UGT8: variants seen among roughly 807,000 people sequenced by gnomAD.
The protein encoded by UGT8 is UDP glycosyltransferase 8.
In UGT8, 12 loss-of-function variants were observed where a neutral mutation model predicts 40.5. That is an observed-to-expected ratio of 0.30 (90% CI 0.19 to 0.48). UGT8 has a LOEUF of 0.48. UGT8 is among the 20% of genes least tolerant of loss of function. The pLI is 0.99. For missense variants in UGT8, 513 were observed against 648.7 expected (o/e 0.79, Z 2.27); for synonymous variants, 224 against 240.4 (o/e 0.93, Z 0.63).
chr4:114,662,952 G>A (rs1041756350), intron 2 of UGT8, among the ~76,000 whole-genome samples: 2 of 150,148 alleles, frequency 1.3e-5, no homozygotes, highest in African/African-American at 2.4e-5. Context: ...GAGTAGCTGG[G>A]ACTACAGGTG....
At chr4:114,630,639 ATT>A (rs1170965102) in intron 2 of UGT8, among the ~76,000 whole-genome samples, 2 of 144,960 alleles carry the variant, frequency 1.4e-5, no homozygotes, top group African/African-American at 2.5e-5. Flanking sequence ...CATCTTGGGG[ATT>A]TTTTTTTTTT....
chr4:114,652,317 G>A (rs1733935964), intron 2 of UGT8, among the ~76,000 whole-genome samples: 1 of 151,886 alleles, frequency 6.6e-6, no homozygotes, highest in Non-Finnish European at 1.5e-5. Context: ...TTGATCAAAG[G>A]AGGAAGTAAG....
rs771785083 is a variant in UGT8 at position 114,623,057 on chromosome 4, C to G, written c.177C>G (p.Gly59=). The change falls in exon 2 of 6, where the codon GGC becomes GGG. Residue 59 remains glycine (G), a synonymous_variant. Transcript: ENST00000310836. ...GHHTVFLLSE[G]RDIAPSNHYS... ...ATACAGTGTTCCTCCTCTCTGAAGG[C>G]AGAGACATCGCCCCATCTAATCATT... 6.2e-7 allele frequency: 1 copy of G among 1,613,998 alleles called. No individual in the cohort carries two copies. Among genetic ancestry groups the G allele is most frequent in the Non-Finnish European group, 8.5e-7 (1 of 1,180,024 alleles).
At chr4:114,625,936 T>C (rs1055873821) in intron 2 of UGT8, among the ~76,000 whole-genome samples, 1 of 152,146 alleles carries the variant, frequency 6.6e-6, no homozygotes, top group Non-Finnish European at 1.5e-5. Flanking sequence ...TTGAAATGCG[T>C]TTTTTGTTTA....
chr4:114,671,320 T>C (rs1412737075), intron 5 of UGT8, among the ~76,000 whole-genome samples: 1 of 152,184 alleles, frequency 6.6e-6, no homozygotes, highest in Admixed American at 6.5e-5. Flanking sequence ...AAATTTCATA[T>C]GGAATCAAAG....
intron 2 of UGT8, among the ~76,000 whole-genome samples, chr4:114,662,725 GAAAAGGGA>G (rs1734618149): frequency 6.8e-6 from 1 of 147,878 alleles, no homozygotes; most frequent in Non-Finnish European, 1.5e-5. Context: ...AAAATGAATA[GAAAAGGGA>G]AAAAGGGAAA....
At chr4:114,644,188 T>A (rs1282912471) in intron 2 of UGT8, among the ~76,000 whole-genome samples, 1 of 152,196 alleles carries the variant, frequency 6.6e-6, no homozygotes, top group African/African-American at 2.4e-5. Context: ...CAAAGTTTCC[T>A]TATATTTTTC....
chr4:114,666,469 T>G (rs977723775), intron 4 of UGT8, among the ~76,000 whole-genome samples: 1 of 152,096 alleles, frequency 6.6e-6, no homozygotes, highest in African/African-American at 2.4e-5. Context: ...ATCTAGCTTA[T>G]TATAATACTA....
chr4:114,602,931 A>G (rs192500249), intron 1 of UGT8, among the ~76,000 whole-genome samples: 2 of 152,330 alleles, frequency 1.3e-5, no homozygotes, highest in East Asian at 3.9e-4. Flanking sequence ...CTCTTACAGC[A>G]AGCAATCTAG....
At chr4:114,624,159 T>C (rs1442083511) in intron 2 of UGT8, among the ~76,000 whole-genome samples, 2 of 152,194 alleles carry the variant, frequency 1.3e-5, no homozygotes, top group Non-Finnish European at 2.9e-5. Context: ...CACTAGTTTA[T>C]GTCCAATAAT....
chr4:114,600,265 C>A (rs1485834985), intron 1 of UGT8, among the ~76,000 whole-genome samples: 1 of 152,064 alleles, frequency 6.6e-6, no homozygotes, highest in African/African-American at 2.4e-5. Context: ...TAGAAAAAAA[C>A]CACACTACTC....
At chr4:114,648,526 A>AT (rs1254055826) in intron 2 of UGT8, among the ~76,000 whole-genome samples, 1 of 152,114 alleles carries the variant, frequency 6.6e-6, no homozygotes, top group Non-Finnish European at 1.5e-5. Flanking sequence ...ATTTATTTCA[A>AT]TTTTGTCATG....
chr4:114,613,825 T>G (rs1418501741), intron 1 of UGT8, among the ~76,000 whole-genome samples: 1 of 152,136 alleles, frequency 6.6e-6, no homozygotes, highest in Admixed American at 6.5e-5. Context: ...GAACCTGTAT[T>G]TTTAGTAAGT....
chr4:114,602,619 G>A (rs1160967016), intron 1 of UGT8, among the ~76,000 whole-genome samples: 1 of 152,192 alleles, frequency 6.6e-6, no homozygotes, highest in Non-Finnish European at 1.5e-5. Flanking sequence ...CCCTGGGAGG[G>A]CTCTAGGTTT....
chr4:114,608,855 T>A lies in UGT8; in HGVS notation c.-3+9881T>A, dbSNP rs556714382. 9.0e-4 allele frequency among the ~76,000 whole-genome samples: 137 copies of A among 152,276 alleles called. 2 individuals are homozygous for A. Among genetic ancestry groups the A allele is most frequent in the African/African-American group, 3.2e-3 (134 of 41,544 alleles). On this transcript the variant is annotated intron_variant, in intron 1 of 5. Coordinates refer to ENST00000310836, the MANE Select transcript of UGT8 (RefSeq NM_001128174.3). ...GTCATGAAACCATAGTTGGAGAAAA[T>A]AATGATTATATGCATGAGGAAGATA...
At position 114,677,764 on chromosome 4, in the gene UGT8, G is replaced by A. The variant is rs1388715024; in HGVS notation, c.*1476G>A. 6.6e-6 allele frequency: 1 copy of A among 152,220 alleles called. No homozygotes were observed. The highest frequency in any genetic ancestry group is 2.4e-5 in the African/African-American group (1 of 41,452). 9.4% of individuals were successfully genotyped at this position (152,220 alleles called of 1,614,324 possible). A position where few individuals can be genotyped will look rare whatever the true frequency, so the allele number is the denominator to read the frequency against. On this transcript the variant is annotated 3_prime_UTR_variant, in exon 6 of 6. Transcript: ENST00000310836. ...GAAATCCCACATCTGATAGCTGAGA[G>A]TAGGCAAATACAACATTTACCTAAT...
chr4:114,623,050 C>G lies in UGT8; in HGVS notation c.170C>G (p.Ser57Cys). 1.2e-6 allele frequency: 2 copies of G among 1,614,146 alleles called. No individual in the cohort carries two copies. Among genetic ancestry groups the G allele is most frequent in the East Asian group, 2.2e-5 (1 of 44,872 alleles). ...GGCCACCATACAGTGTTCCTCCTCTCTGAAGGCAGAGACATCGCCCCATCT... is the reference window on the plus strand; with the variant it reads ...GGCCACCATACAGTGTTCCTCCTCTGTGAAGGCAGAGACATCGCCCCATCT... ...ERGHHTVFLL[S>C]EGRDIAPSNH... Residue 57 changes from serine to cysteine, a missense_variant, in exon 2 of 6, where the codon TCT (serine) becomes TGT (cysteine). Coordinates refer to ENST00000310836, the MANE Select transcript of UGT8 (RefSeq NM_001128174.3).
chr4:114,667,950 G>T, intron 4 of UGT8, 135 bp from the exon 5 acceptor site: 2 of 1,435,330 alleles, frequency 1.4e-6, no homozygotes, highest in Non-Finnish European at 9.1e-7. Context: ...GCAGGAATCA[G>T]TGAAATTACA....
intron 1 of UGT8, among the ~76,000 whole-genome samples, chr4:114,599,231 G>A (rs1296431287): frequency 1.3e-5 from 2 of 152,156 alleles, no homozygotes; most frequent in Non-Finnish European, 2.9e-5. Flanking sequence ...CCCTCATAGC[G>A]CCCGCGATCC....
Sources: gnomAD v4.1 joint callset for allele counts (sites outside exome capture counted in the v4.1 genomes callset) on GRCh38, gnomAD v4.1.1 for gene constraint, MANE v1.5 for transcripts, NCBI Gene and HGNC (gene_info 2026-07-23, HGNC 2026-07-21) for gene names.